SPTB: variants seen among roughly 807,000 people sequenced by gnomAD.
SPTB encodes spectrin beta, erythrocytic, also known as spectrin beta chain, erythrocytic.
A neutral mutation model predicts 256.2 loss-of-function variants in SPTB; 45 were observed. That is an observed-to-expected ratio of 0.18 (90% CI 0.14 to 0.23). The LOEUF (loss-of-function observed/expected upper bound fraction) is 0.23, where lower values mean the gene tolerates loss of function less well. SPTB is among the 10% of genes least tolerant of loss of function. SPTB has a pLI of 1.00. For missense variants in SPTB, 2,715 were observed against 3,040.4 expected, an observed-to-expected ratio of 0.89 and a Z score of 2.52; for synonymous variants, 1,231 against 1,243.1, an observed-to-expected ratio of 0.99 and a Z score of 0.21.
chr14:64,803,922 C>T, intron 3 of SPTB, 142 bp from the exon 4 acceptor site: 1 of 840,832 alleles, frequency 1.2e-6, no homozygotes, highest in South Asian at 1.8e-5. Flanking sequence ...TTCATTGACA[C>T]TATTCAATGC....
At chr14:64,765,274 T>C (rs916050343) in intron 32 of SPTB, among the ~76,000 whole-genome samples, 1 of 152,076 alleles carries the variant, frequency 6.6e-6, no homozygotes, top group Non-Finnish European at 1.5e-5. Flanking sequence ...TGTGGCTCCC[T>C]TGGCCCCCAG....
rs1407492454 is a variant in SPTB, at chr14:64,802,609, A to G, written c.475-292T>C. On this transcript the variant is annotated intron_variant, in intron 4 of 35. Coordinates refer to ENST00000644917, the MANE Select transcript of SPTB (RefSeq NM_001355436.2). This position sits in a 1 kb window ranked among gnomAD's most constrained non-coding sequence, Gnocchi z 5.1. ...TGCACCATCAGTACTCCATAGCTGT[A>G]TTGTGGCTGTCTGTACAAACATTGA... Among the ~76,000 whole-genome samples, 9 of 152,200 alleles carry G rather than the reference A, an allele frequency of 5.9e-5. No individual in the cohort carries two copies. Among genetic ancestry groups the G allele is most frequent in the African/African-American group, 2.2e-4 (9 of 41,508 alleles).
At chr14:64,861,115 C>T (rs970274602) in intron 1 of SPTB, among the ~76,000 whole-genome samples, 1 of 152,060 alleles carries the variant, frequency 6.6e-6, no homozygotes, top group Non-Finnish European at 1.5e-5. Flanking sequence ...AACCAAACAC[C>T]GCATGTTCTC....
At position 64,806,682 on chromosome 14, in the gene SPTB, G is replaced by A. The variant is rs75488712; in HGVS notation, c.149-1592C>T. Reference sequence around the variant, plus strand: ...TGCACTCATTGAGCAAATATTTACCGTACAACCGTCAGGTGCCAGGCCCTG... The same window carrying A: ...TGCACTCATTGAGCAAATATTTACCATACAACCGTCAGGTGCCAGGCCCTG... On this transcript the variant is annotated intron_variant, in intron 2 of 35. Coordinates refer to ENST00000644917, the MANE Select transcript of SPTB (RefSeq NM_001355436.2). The surrounding 1 kb of genome is among the most constrained non-coding windows in gnomAD (Gnocchi z 4.1). Among the ~76,000 whole-genome samples, 1,075 of 152,190 alleles carry A rather than the reference G, an allele frequency of 7.1e-3. 10 individuals carry two copies. Among genetic ancestry groups the A allele is most frequent in the African/African-American group, 0.024 (993 of 41,502 alleles).
At chr14:64,846,185 T>A (rs2083689430) in intron 1 of SPTB, among the ~76,000 whole-genome samples, 5 of 152,098 alleles carry the variant, frequency 3.3e-5, no homozygotes, top group Admixed American at 2.6e-4. Context: ...AGAAGCCCGA[T>A]CTCAACAACA....
rs780934196 is a variant in SPTB, at chr14:64,801,385, G to A, written c.663C>T (p.Asp221=). ...CATTGGAGTCCTTCAGCTTATCAAA[G>A]TCGATCAGGTCGGGCCTGGGGACAA... ...LIHKHRPDLI[D]FDKLKDSNAR... is the part of the protein sequence containing the mutation. The change falls in exon 7 of 36, where the codon GAC becomes GAT. Residue 221 remains aspartate (D), a synonymous_variant. Transcript: ENST00000644917. The A allele has an allele frequency of 1.4e-5, 23 of 1,614,012 alleles. No individual in the cohort carries two copies. The highest frequency in any genetic ancestry group is 1.9e-5 in the Non-Finnish European group (23 of 1,179,998).
In SPTB at chr14:64,797,855, A is replaced by C; in HGVS notation, c.1065-9T>G. ...TCCCCTTCTCTTGAAACCTGTCAAG[A>C]AAACAGAAGTAGGAAGACTGATGTT... On this transcript the variant is annotated splice_polypyrimidine_tract_variant and intron_variant, in intron 9 of 35. Transcript: ENST00000644917. 6.2e-7 allele frequency: 1 copy of C among 1,608,504 alleles called. No homozygotes were observed. The highest frequency in any genetic ancestry group is 8.5e-7 in the Non-Finnish European group (1 of 1,174,824).
Position 64,824,680 on chromosome 14 carries a change from G to A in SPTB, c.-51-1535C>T, listed in dbSNP as rs1005554293. On this transcript the variant is annotated intron_variant, in intron 1 of 35. Transcript: ENST00000644917. The surrounding 1 kb of genome is among the most constrained non-coding windows in gnomAD (Gnocchi z 5.7). ...TCCCTCTGTGGGTGTGTGCACCCAC[G>A]GCACACACACAGGCTCATATCTGAC... 1.3e-5 allele frequency among the ~76,000 whole-genome samples: 2 copies of A among 152,020 alleles called. No homozygotes were observed. The highest frequency in any genetic ancestry group is 2.9e-5 in the Non-Finnish European group (2 of 68,004).
rs1345977129 is a variant in SPTB at position 64,764,697 on chromosome 14, G to A, written c.6345+2029C>T. Among the ~76,000 whole-genome samples, 1 of 152,218 alleles carries A rather than the reference G, an allele frequency of 6.6e-6. No individual in the cohort carries two copies. The highest frequency in any genetic ancestry group is 1.5e-5 in the Non-Finnish European group (1 of 68,028). On this transcript the variant is annotated intron_variant, in intron 32 of 35. Transcript: ENST00000644917. This position sits in a 1 kb window ranked among gnomAD's most constrained non-coding sequence, Gnocchi z 4.2. ...TGCTCACAGAGGAGCCCGCACACCA[G>A]GACACCGCCACATGCAGACACACAG...
rs1164403722 is a variant in SPTB at position 64,786,868 on chromosome 14, C to A, written c.3097G>T (p.Gly1033Cys). 3 of 1,613,118 alleles carry A rather than the reference C, an allele frequency of 1.9e-6. No individual in the cohort carries two copies. The highest frequency in any genetic ancestry group is 2.5e-6 in the Non-Finnish European group (3 of 1,180,038). ...TCCTCCAAGTGTTTTTGCCGCTGAC[C>A]AATATCCTCCTTCTGCTCAGGGTGC... Reference protein sequence around the residue: ...DSHPEQKEDIGQRQKHLEELW... With the variant: ...DSHPEQKEDICQRQKHLEELW... The change falls in exon 16 of 36, where the codon GGT becomes TGT. Residue 1033 changes from glycine (G) to cysteine (C), a missense_variant. This residue lies in a region of SPTB where 2,239 missense variants were observed against 2,384.4 expected (regional missense o/e 0.94). Coordinates refer to ENST00000644917, the MANE Select transcript of SPTB (RefSeq NM_001355436.2). This position sits in a 1 kb window ranked among gnomAD's most constrained non-coding sequence, Gnocchi z 5.6.
At chr14:64,800,694 C>T (rs2082866892) in intron 8 of SPTB, 62 bp downstream of exon 8, 3 of 1,429,214 alleles carry the variant, frequency 2.1e-6, no homozygotes, top group Non-Finnish European at 3.0e-6. Flanking sequence ...GAAAGAGGGC[C>T]ACTCTGTCTG....
Position 64,772,581 on chromosome 14 carries a change from T to C in SPTB, c.5552A>G (p.Gln1851Arg). ...TGGGCGGCAGGGGGCTGAAGGTACCTGGACACCCAGCAGGTGGAGCTCCCG... is the reference window on the plus strand; with the variant it reads ...TGGGCGGCAGGGGGCTGAAGGTACCCGGACACCCAGCAGGTGGAGCTCCCG... The part of the protein sequence containing the change: ...FERELHLLGV[Q>R]VQQFQDVATR... The change falls in exon 26 of 36, where the codon CAG becomes CGG. Residue 1851 changes from glutamine to arginine, a missense_variant and splice_region_variant. By Grantham distance (43) the Gln-to-Arg change is conservative. Around this residue, in one of 4 missense-constraint regions of SPTB, gnomAD observed 2,239 missense variants for 2,384.4 expected, o/e 0.94. Coordinates refer to ENST00000644917, the MANE Select transcript of SPTB (RefSeq NM_001355436.2). The surrounding 1 kb of genome is among the most constrained non-coding windows in gnomAD (Gnocchi z 5.4). 6.2e-7 allele frequency: 1 copy of C among 1,606,392 alleles called. No homozygotes were observed. The highest frequency in any genetic ancestry group is 8.5e-7 in the Non-Finnish European group (1 of 1,179,880).
chr14:64,830,744 G>C (rs1040832836), intron 1 of SPTB, among the ~76,000 whole-genome samples: 1 of 151,990 alleles, frequency 6.6e-6, no homozygotes, highest in African/African-American at 2.4e-5. Context: ...CCCCTACCCT[G>C]TAAGCTTTCA....
At chr14:64,867,455 G>T (rs1882253164) in intron 1 of SPTB, among the ~76,000 whole-genome samples, 1 of 152,206 alleles carries the variant, frequency 6.6e-6, no homozygotes, top group Admixed American at 6.5e-5. Flanking sequence ...AGCAAAAGAG[G>T]AAGGAATGTG....
intron 25 of SPTB, 59 bp from the exon 26 acceptor site, chr14:64,773,013 C>A: frequency 6.3e-7 from 1 of 1,580,678 alleles, no homozygotes; most frequent in Middle Eastern, 1.7e-4. Flanking sequence ...CAGGTGTCAC[C>A]AGCTTAGCCA....
intron 20 of SPTB, 89 bp downstream of exon 20, chr14:64,782,201 C>T (rs2082483518): frequency 1.0e-5 from 16 of 1,594,150 alleles, no homozygotes; most frequent in Non-Finnish European, 1.4e-5. Context: ...ACATGTACCC[C>T]CAAACCTAAA....
chr14:64,780,892 A>AG (rs2082458238), intron 20 of SPTB, among the ~76,000 whole-genome samples: 1 of 152,180 alleles, frequency 6.6e-6, no homozygotes, highest in Non-Finnish European at 1.5e-5. Context: ...AACCAATGGA[A>AG]CAGAGTAGAG....
chr14:64,779,458 G>A lies in SPTB; in HGVS notation c.4474-212C>T, dbSNP rs776170957. ...CTTGCTCCTAGTCAGACAGTGGGAA[G>A]GTAATGTAGCTGGATCTCGAACCCA... On this transcript the variant is annotated intron_variant, in intron 21 of 35. Coordinates refer to ENST00000644917, the MANE Select transcript of SPTB (RefSeq NM_001355436.2). The surrounding 1 kb of genome is among the most constrained non-coding windows in gnomAD (Gnocchi z 4.2). Among the ~76,000 whole-genome samples the A allele has an allele frequency of 2.6e-5, 4 of 152,314 alleles. No homozygotes were observed. Among genetic ancestry groups the A allele is most frequent in the Non-Finnish European group, 5.9e-5 (4 of 68,022 alleles).
rs563854406 is a variant in SPTB at position 64,825,475 on chromosome 14, A to G, written c.-51-2330T>C. 6.0e-5 allele frequency among the ~76,000 whole-genome samples: 8 copies of G among 133,348 alleles called. No homozygotes were observed. In the East Asian group the frequency reaches 1.4e-3, roughly 23 times the overall value. The allele number at this position is 133,348 out of a possible 152,430, so 87.5% of individuals were successfully genotyped here. A position where few individuals can be genotyped will look rare whatever the true frequency, so the allele number is the denominator to read the frequency against. On this transcript the variant is annotated intron_variant, in intron 1 of 35. Transcript: ENST00000644917. The surrounding 1 kb of genome is among the most constrained non-coding windows in gnomAD (Gnocchi z 4.8). ...CACCCCCGGCCCCACACCTTTCTCT[A>G]TTTCCCTTAAGGGAAACTACCACTG... is the stretch of plus-strand genomic sequence containing the variant.
Sources: allele counts gnomAD v4.1 joint callset (sites outside exome capture counted in the v4.1 genomes callset), GRCh38; gene constraint gnomAD v4.1.1; regional missense constraint gnomAD v4.1.1; non-coding constraint Gnocchi (gnomAD v3.1); transcripts MANE v1.5; gene names NCBI Gene and HGNC (gene_info 2026-07-23, HGNC 2026-07-21).